Variants in KIF9 observed in about 807,000 individuals in gnomAD.
KIF9 encodes the protein kinesin-like protein KIF9.
In KIF9, 68 loss-of-function variants were observed where a neutral mutation model predicts 94.8. The ratio of observed to expected loss-of-function variants is 0.72; its 90% CI spans 0.59 to 0.88. The LOEUF (loss-of-function observed/expected upper bound fraction) is 0.88, where lower values mean the gene tolerates loss of function less well. KIF9 is among the 40% of genes least tolerant of loss of function. The probability of loss-of-function intolerance (pLI) is 0.00; values close to 1 mark genes in which losing one functional copy is unlikely to be tolerated. For missense variants in KIF9, 882 were observed against 982.5 expected (o/e 0.90, Z 1.37); for synonymous variants, 343 against 362.1 (o/e 0.95, Z 0.60).
At chr3:47,264,781 T>C (rs1454345650) in intron 8 of KIF9, among the ~76,000 whole-genome samples, 1 of 152,178 alleles carries the variant, frequency 6.6e-6, no homozygotes, top group African/African-American at 2.4e-5. Flanking sequence ...ATGTTGAAGT[T>C]GTAACCCCGA....
Position 47,281,240 on chromosome 3 carries a change from A to T in KIF9, c.-6+1255T>A, listed in dbSNP as rs1273055273. ...CATATGATGTCACTCCCCTTCCATGACAACTCCAACCAAAGCCCACAGCCC... is the reference window on the plus strand; with the variant it reads ...CATATGATGTCACTCCCCTTCCATGTCAACTCCAACCAAAGCCCACAGCCC... On this transcript the variant is annotated intron_variant, in intron 1 of 20. Transcript: ENST00000684063. 3 of 524,772 alleles carry T rather than the reference A, an allele frequency of 5.7e-6. No homozygotes were observed. In the African/African-American group the frequency reaches 5.7e-5, roughly 10 times the overall value. The allele number at this position is 524,772 out of a possible 1,614,324, so 32.5% of individuals were successfully genotyped here. A position where few individuals can be genotyped will look rare whatever the true frequency, so the allele number is the denominator to read the frequency against.
At position 47,264,345 on chromosome 3, in the gene KIF9, T is replaced by A; in HGVS notation, c.922A>T (p.Asn308Tyr). ...THALKDSLGG[N>Y]CNMVLVTNIY... Reference sequence around the variant, plus strand: ...TTTGTCACGAGGACCATATTGCAGTTTCCCCCTGCGGAAAGCAAGACACAG... The same window carrying A: ...TTTGTCACGAGGACCATATTGCAGTATCCCCCTGCGGAAAGCAAGACACAG... The change falls in exon 9 of 21, where the codon AAC becomes TAC. Residue 308 changes from asparagine to tyrosine, a missense_variant. Physicochemically the swap from Asn to Tyr is moderately radical, Grantham distance 143. Transcript: ENST00000684063. The A allele has an allele frequency of 6.2e-7, 1 of 1,613,440 alleles. No homozygotes were observed. Among genetic ancestry groups the A allele is most frequent in the Non-Finnish European group, 8.5e-7 (1 of 1,179,374 alleles).
chr3:47,247,958 C>T, intron 11 of KIF9, 60 bp downstream of exon 11: 1 of 1,315,168 alleles, frequency 7.6e-7, no homozygotes, highest in Non-Finnish European at 1.1e-6. Flanking sequence ...TAGCCCCAGT[C>T]CCTCTAGTCA....
At chr3:47,247,508 G>C in intron 11 of KIF9, 31 bp from the exon 12 acceptor site, 1 of 1,539,568 alleles carries the variant, frequency 6.5e-7, no homozygotes, top group Non-Finnish European at 9.0e-7. Context: ...ATGTGGATAA[G>C]CAACAAGAAC....
intron 16 of KIF9, among the ~76,000 whole-genome samples, chr3:47,242,296 T>C (rs1219048213): frequency 6.6e-6 from 1 of 152,044 alleles, no homozygotes; most frequent in East Asian, 1.9e-4. Flanking sequence ...GGTTAATGAG[T>C]GTAAGATGAA....
intron 10 of KIF9, among the ~76,000 whole-genome samples, chr3:47,253,250 G>A (rs1318680009): frequency 6.6e-6 from 1 of 151,958 alleles, no homozygotes; most frequent in Non-Finnish European, 1.5e-5. Context: ...CTGCCCCTCA[G>A]GCACAAGCGA....
chr3:47,236,897 T>A (rs561506250), intron 17 of KIF9, among the ~76,000 whole-genome samples: 2 of 152,350 alleles, frequency 1.3e-5, no homozygotes, highest in East Asian at 3.9e-4. Context: ...CCATGCTCCA[T>A]GCTTATTTTA....
Position 47,278,845 on chromosome 3 carries a change from G to A in KIF9, c.-5-1466C>T, listed in dbSNP as rs574312374. Among the ~76,000 whole-genome samples, 5 of 152,180 alleles carry A rather than the reference G, an allele frequency of 3.3e-5. No homozygotes were observed. The East Asian group carries it at 5.8e-4, about 18-fold the overall frequency. On this transcript the variant is annotated intron_variant, in intron 1 of 20. Transcript: ENST00000684063. ...AAATTAGCTAGTTGTGGTGGCAGAC[G>A]CCTGTAATCCCAGCTACTCAGAAGG...
At chr3:47,231,431 T>TC (rs397874700) in intron 20 of KIF9, among the ~76,000 whole-genome samples, 2 of 119,200 alleles carry the variant, frequency 1.7e-5, no homozygotes, top group African/African-American at 3.0e-5. Flanking sequence ...TTTTTTTTTT[T>TC]AGACAGTTTC....
rs754651653 is a variant in KIF9, at chr3:47,247,455, T to G, written c.1151A>C (p.Tyr384Ser). 4.3e-6 allele frequency: 7 copies of G among 1,613,696 alleles called. No homozygotes were observed. The highest frequency in any genetic ancestry group is 5.9e-6 in the Non-Finnish European group (7 of 1,179,644). The change falls in exon 12 of 21, where the codon TAT (tyrosine) becomes TCT (serine). Residue 384 changes from tyrosine (Y) to serine (S), a missense_variant. Coordinates refer to ENST00000684063, the MANE Select transcript of KIF9 (RefSeq NM_182902.4). ...AATCTGGATTTCATCCATGGGGTCA[T>G]AGGTCACAAAGGTGCGGTTGGTCTT... is the stretch of plus-strand genomic sequence containing the variant. ...DSLTNRTFVT[Y>S]DPMDEIQIAE...
Position 47,228,705 on chromosome 3 carries a change from G to T in KIF9, c.2323-3C>A, listed in dbSNP as rs747708652. 3 of 1,613,086 alleles carry T rather than the reference G, an allele frequency of 1.9e-6. No individual in the cohort carries two copies. The highest frequency in any genetic ancestry group is 2.7e-5 in the African/African-American group (2 of 74,872). On this transcript the variant is annotated splice_polypyrimidine_tract_variant and splice_region_variant and intron_variant, in intron 20 of 20. Transcript: ENST00000684063. ...ATCATGGTTTTCAAGTAATTATGCTGGACACAGAGGGAAGAGAAAACAGGA... is the reference window on the plus strand; with the variant it reads ...ATCATGGTTTTCAAGTAATTATGCTTGACACAGAGGGAAGAGAAAACAGGA...
intron 20 of KIF9, among the ~76,000 whole-genome samples, chr3:47,232,200 C>A (rs942197784): frequency 2.0e-5 from 3 of 152,216 alleles, no homozygotes; most frequent in Admixed American, 6.5e-5. Context: ...GGAGGGCAAA[C>A]CCTTACTAGC....
intron 20 of KIF9, among the ~76,000 whole-genome samples, chr3:47,230,864 C>T (rs186282605): frequency 1.3e-5 from 2 of 151,724 alleles, no homozygotes; most frequent in Non-Finnish European, 2.9e-5. Context: ...ACGGTGAAAC[C>T]CTGTCTGTAT....
intron 20 of KIF9, among the ~76,000 whole-genome samples, chr3:47,229,514 C>G (rs1227106789): frequency 6.6e-6 from 1 of 152,110 alleles, no homozygotes; most frequent in Non-Finnish European, 1.5e-5. Context: ...CATGAAAAAT[C>G]TGATCTATAT....
chr3:47,247,261 C>G (rs1378309809), intron 12 of KIF9, 112 bp downstream of exon 12: 9 of 708,358 alleles, frequency 1.3e-5, no homozygotes, highest in Non-Finnish European at 2.3e-5. Context: ...ACCCTCCACC[C>G]ACTGCACCCA....
chr3:47,247,220 G>A (rs1221053342), intron 12 of KIF9, among the ~76,000 whole-genome samples, 153 bp downstream of exon 12: 2 of 152,178 alleles, frequency 1.3e-5, no homozygotes, highest in African/African-American at 4.8e-5. Context: ...GAGATGAGCT[G>A]AAGGGACCCT....
At chr3:47,246,458 C>A (rs892262246) in intron 12 of KIF9, 4 of 364,598 alleles carry the variant, frequency 1.1e-5, no homozygotes, top group African/African-American at 8.4e-5. Context: ...AATTTTAAAA[C>A]TAAGTATTTG....
intron 3 of KIF9, among the ~76,000 whole-genome samples, chr3:47,274,958 G>A (rs1421430538): frequency 6.6e-6 from 1 of 152,160 alleles, no homozygotes; most frequent in East Asian, 1.9e-4. Context: ...GATTGTGTTG[G>A]TAGAATACAT....
intron 2 of KIF9, 41 bp downstream of exon 2, chr3:47,277,241 A>C: frequency 2.0e-5 from 29 of 1,433,254 alleles, no homozygotes; most frequent in Non-Finnish European, 2.6e-5. Context: ...AAGGTGGGAC[A>C]GAGAGGCCCA....
Sources: allele counts gnomAD v4.1 joint callset (sites outside exome capture counted in the v4.1 genomes callset), GRCh38; gene constraint gnomAD v4.1.1; transcripts MANE v1.5; gene names NCBI Gene and HGNC (gene_info 2026-07-23, HGNC 2026-07-21).